The following PDCD6 variants were observed in gnomAD, a reference collection of about 807,000 sequenced individuals.
PDCD6 encodes the protein programmed cell death protein 6.
A neutral mutation model predicts 28.3 loss-of-function variants in PDCD6; 12 were observed. That is an observed-to-expected ratio of 0.42 (90% CI 0.27 to 0.69). PDCD6 has a LOEUF of 0.69. Ranked by LOEUF, PDCD6 falls within the 30% of genes least tolerant of loss-of-function variation. PDCD6 has a pLI of 0.22. For missense variants in PDCD6, 226 were observed against 269.9 expected (o/e 0.84, Z 1.14); for synonymous variants, 92 against 108.0 (o/e 0.85, Z 0.92).
intron 2 of PDCD6, among the ~76,000 whole-genome samples, chr5:278,895 G>C (rs1315866007): frequency 6.6e-6 from 1 of 151,258 alleles, no homozygotes; most frequent in Admixed American, 6.6e-5. Context: ...CATGGGAGGG[G>C]CTAGGGATGC....
intron 2 of PDCD6, among the ~76,000 whole-genome samples, chr5:296,714 G>T (rs1179301073): frequency 6.6e-6 from 1 of 152,244 alleles, no homozygotes; most frequent in African/African-American, 2.4e-5. Context: ...AGGTGGACCA[G>T]AAAGGTGAGG....
chr5:299,534 C>T (rs1437859330), intron 2 of PDCD6, among the ~76,000 whole-genome samples: 2 of 145,484 alleles, frequency 1.4e-5, no homozygotes, highest in Non-Finnish European at 3.0e-5. Flanking sequence ...AGAAATAATT[C>T]TTACGTTCTT....
At chr5:282,142 T>C (rs1199131969) in intron 2 of PDCD6, among the ~76,000 whole-genome samples, 3 of 151,326 alleles carry the variant, frequency 2.0e-5, no homozygotes, top group Non-Finnish European at 4.4e-5. Flanking sequence ...AGAGAGGAGC[T>C]GATCTTATAG....
rs1239570043 is a variant in PDCD6 at position 303,769 on chromosome 5, G to A, written c.164-408G>A. 1.1e-4 allele frequency among the ~76,000 whole-genome samples: 16 copies of A among 148,662 alleles called. 1 individual carries two copies. Among genetic ancestry groups the A allele is most frequent in the Admixed American group, 1.1e-3 (16 of 15,162 alleles). On this transcript the variant is annotated intron_variant, in intron 2 of 5. Coordinates refer to ENST00000264933, the MANE Select transcript of PDCD6 (RefSeq NM_013232.4). ...GCAGGCAGTGGTGGCCTTGATGATG[G>A]ATTTTCTGAAATGGGAATTCGTGAA...
chr5:299,683 G>A (rs182893407), intron 2 of PDCD6, among the ~76,000 whole-genome samples: 8 of 151,976 alleles, frequency 5.3e-5, no homozygotes, highest in Non-Finnish European at 1.2e-4. Context: ...CCGAGTAGCT[G>A]GGACTACAGG....
intron 4 of PDCD6, chr5:310,660 G>A (rs950544742): frequency 1.3e-5 from 2 of 152,616 alleles, no homozygotes; most frequent in African/African-American, 4.8e-5. Context: ...AACTGGAAAC[G>A]GAATCCCAGC....
At chr5:290,630 A>G (rs1163855958) in intron 2 of PDCD6, among the ~76,000 whole-genome samples, 1 of 152,176 alleles carries the variant, frequency 6.6e-6, no homozygotes, top group Non-Finnish European at 1.5e-5. Context: ...TAGTGGAGAA[A>G]CTTAGAACTT....
At position 284,378 on chromosome 5, in the gene PDCD6, C is replaced by T. The variant is rs181142855; in HGVS notation, c.163+11606C>T. 7.6e-4 allele frequency among the ~76,000 whole-genome samples: 115 copies of T among 152,066 alleles called. 3 individuals are homozygous for T. The highest frequency in any genetic ancestry group is 2.7e-3 in the African/African-American group (110 of 41,472). The stretch of plus-strand genomic sequence containing the variant: ...AGGAGCTGTTCTGGTTTGAGGGTCG[C>T]GTAGCTGAATACTCCAGGAGGAGCT... On this transcript the variant is annotated intron_variant, in intron 2 of 5. Coordinates refer to ENST00000264933, the MANE Select transcript of PDCD6 (RefSeq NM_013232.4).
At position 311,171 on chromosome 5, in the gene PDCD6, G is replaced by T. The variant is rs1038629695; in HGVS notation, c.368-122G>T. The T allele has an allele frequency of 1.6e-5, 12 of 738,860 alleles. No homozygotes were observed. The Admixed American group carries it at 2.8e-4, about 17-fold the overall frequency. The allele number at this position is 738,860 out of a possible 1,614,324, so 45.8% of individuals were successfully genotyped here. A position where few individuals can be genotyped will look rare whatever the true frequency, so the allele number is the denominator to read the frequency against. Reference sequence around the variant, plus strand: ...TGCCTTTGAGGGAATTTGCACTTCCGTTCCCACACAGCCTTGCATTGTGTG... The same window carrying T: ...TGCCTTTGAGGGAATTTGCACTTCCTTTCCCACACAGCCTTGCATTGTGTG... On this transcript the variant is annotated intron_variant, in intron 4 of 5. Transcript: ENST00000264933.
intron 2 of PDCD6, chr5:290,291 T>A: frequency 7.1e-7 from 1 of 1,403,924 alleles, no homozygotes; most frequent in East Asian, 2.3e-5. Context: ...TCAAAATCTT[T>A]CAGCGCCTCC....
intron 3 of PDCD6, chr5:304,696 C>G (rs1186100973): frequency 6.4e-6 from 1 of 156,624 alleles, no homozygotes; most frequent in Non-Finnish European, 1.4e-5. Context: ...GGGTGGTCTA[C>G]AGCCAGATAT....
chr5:311,058 G>A (rs533933544), intron 4 of PDCD6: 17 of 465,654 alleles, frequency 3.7e-5, no homozygotes, highest in African/African-American at 2.8e-4. Flanking sequence ...TCCTCCTTCC[G>A]GGGTCATGGT....
chr5:303,396 G>T (rs1487801609), intron 2 of PDCD6, among the ~76,000 whole-genome samples: 1 of 151,748 alleles, frequency 6.6e-6, no homozygotes, highest in African/African-American at 2.4e-5. Context: ...CATTTTTAGT[G>T]AGTATGGAAA....
intron 2 of PDCD6, 174 bp downstream of exon 2, chr5:272,946 T>C (rs1737929878): frequency 3.9e-6 from 5 of 1,266,724 alleles, no homozygotes; most frequent in Non-Finnish European, 5.4e-6. Context: ...CTACCGCTGT[T>C]ACTGCTTGGA....
intron 4 of PDCD6, chr5:309,275 T>C (rs1283939903): frequency 6.5e-6 from 1 of 154,026 alleles, no homozygotes; most frequent in African/African-American, 2.4e-5. Flanking sequence ...CCAGGGACGC[T>C]GGTGGCCTCA....
chr5:286,612 G>A (rs1738987333), intron 2 of PDCD6, among the ~76,000 whole-genome samples: 1 of 151,684 alleles, frequency 6.6e-6, no homozygotes, highest in Non-Finnish European at 1.5e-5. Context: ...GAGCCTGCGG[G>A]GATCTGATGT....
At chr5:311,600 G>A in intron 5 of PDCD6, 198 bp downstream of exon 5, 1 of 565,330 alleles carries the variant, frequency 1.8e-6, no homozygotes, top group Non-Finnish European at 3.2e-6. Flanking sequence ...CTTGGAAATG[G>A]CACAGAGCAG....
At chr5:277,724 G>A (rs1266654099) in intron 2 of PDCD6, among the ~76,000 whole-genome samples, 1 of 151,956 alleles carries the variant, frequency 6.6e-6, no homozygotes, top group Non-Finnish European at 1.5e-5. Context: ...GTGAGCCAGG[G>A]GGCCAACATG....
chr5:302,191 C>G (rs1740117261), intron 2 of PDCD6, among the ~76,000 whole-genome samples: 1 of 87,978 alleles, frequency 1.1e-5, no homozygotes, highest in Admixed American at 1.3e-4. Context: ...TGGAGTGCTG[C>G]TGTGTGTGTG....
Sources: gnomAD v4.1 joint callset for allele counts (sites outside exome capture counted in the v4.1 genomes callset) on GRCh38, gnomAD v4.1.1 for gene constraint, MANE v1.5 for transcripts, NCBI Gene and HGNC (gene_info 2026-07-23, HGNC 2026-07-21) for gene names.